Variants in KCNJ6 observed in about 807,000 individuals in gnomAD.
KCNJ6 encodes the protein potassium inwardly rectifying channel subfamily J member 6.
Under a neutral mutation model 34.2 loss-of-function variants are expected in KCNJ6, and 9 were observed. The observed-to-expected ratio is 0.26, with a 90% CI of 0.16 to 0.46. The LOEUF is 0.46. Ranked by LOEUF, KCNJ6 falls within the 20% of genes least tolerant of loss-of-function variation. The pLI is 1.00. For synonymous variants in KCNJ6, 196 were observed against 207.1 expected (o/e 0.95, Z 0.46); for missense variants, 236 against 531.3 (o/e 0.44, Z 5.46).
intron 3 of KCNJ6, among the ~76,000 whole-genome samples, chr21:37,661,980 C>T (rs1055828246): frequency 6.6e-6 from 1 of 151,976 alleles, no homozygotes; most frequent in African/African-American, 2.4e-5. Context: ...AAATTATTTA[C>T]CAAAACTTAA....
Position 37,625,152 on chromosome 21 carries a change from T to C in KCNJ6, c.*7A>G, listed in dbSNP as rs1236001982. On this transcript the variant is annotated 3_prime_UTR_variant, in exon 4 of 4. Transcript: ENST00000609713. Reference sequence around the variant, plus strand: ...GGGAGAAGAGAAGGGTTTGCCCAGCTAGGGCACTAAACTTTGGATTCATTC... The same window carrying C: ...GGGAGAAGAGAAGGGTTTGCCCAGCCAGGGCACTAAACTTTGGATTCATTC... 2.3e-5 allele frequency: 37 copies of C among 1,600,526 alleles called. No individual in the cohort carries two copies. The highest frequency in any genetic ancestry group is 2.8e-5 in the Non-Finnish European group (33 of 1,168,688).
At chr21:37,884,289 G>A (rs190000703) in intron 1 of KCNJ6, among the ~76,000 whole-genome samples, 1 of 152,166 alleles carries the variant, frequency 6.6e-6, no homozygotes, top group African/African-American at 2.4e-5. Context: ...CTGCAGCTTA[G>A]AGGGAGGCAC....
At chr21:37,780,190 G>A (rs1308426312) in intron 2 of KCNJ6, among the ~76,000 whole-genome samples, 1 of 152,222 alleles carries the variant, frequency 6.6e-6, no homozygotes, top group Non-Finnish European at 1.5e-5. Context: ...ACATTGCTAA[G>A]TGAAAGAAGC....
At chr21:37,706,073 G>T (rs1256879934) in intron 3 of KCNJ6, among the ~76,000 whole-genome samples, 2 of 150,340 alleles carry the variant, frequency 1.3e-5, no homozygotes, top group African/African-American at 4.9e-5. Context: ...AGAGCCTTAA[G>T]AAGTGGGAAG....
intron 1 of KCNJ6, among the ~76,000 whole-genome samples, chr21:37,866,047 C>G (rs1392844542): frequency 2.0e-5 from 3 of 152,154 alleles, no homozygotes; most frequent in African/African-American, 7.2e-5. Flanking sequence ...TGGATGTGAT[C>G]ATAATTGGTT....
intron 2 of KCNJ6, among the ~76,000 whole-genome samples, chr21:37,773,278 A>T (rs1325168701): frequency 6.6e-6 from 1 of 152,166 alleles, no homozygotes; most frequent in Non-Finnish European, 1.5e-5. Context: ...TTTCTGTAGC[A>T]TGCTGGGTTC....
intron 1 of KCNJ6, among the ~76,000 whole-genome samples, chr21:37,901,154 T>C (rs1031710384): frequency 6.6e-6 from 1 of 152,226 alleles, no homozygotes; most frequent in African/African-American, 2.4e-5. Flanking sequence ...TTTATTGTCT[T>C]TGGTCAAGCT....
chr21:37,735,112 C>T (rs767852035), intron 2 of KCNJ6, among the ~76,000 whole-genome samples: 10 of 152,076 alleles, frequency 6.6e-5, no homozygotes, highest in Non-Finnish European at 1.3e-4. Flanking sequence ...CACCGACTCC[C>T]GCTCCCTTCC....
chr21:37,685,184 G>A (rs1186323101), intron 3 of KCNJ6, among the ~76,000 whole-genome samples: 2 of 152,058 alleles, frequency 1.3e-5, no homozygotes, highest in Non-Finnish European at 2.9e-5. Context: ...TAGAAAACAC[G>A]AATGACACCC....
In KCNJ6 at chr21:37,816,370, T is replaced by C. The variant is rs796981481; in HGVS notation, c.25+24288A>G. ...CTTGGGGTTGCTTCTATGCTCTAGATATTGCCTGCAGATAAAATAAATCAT... is the reference window on the plus strand; with the variant it reads ...CTTGGGGTTGCTTCTATGCTCTAGACATTGCCTGCAGATAAAATAAATCAT... On this transcript the variant is annotated intron_variant, in intron 2 of 3. Transcript: ENST00000609713. 9.8e-5 allele frequency among the ~76,000 whole-genome samples: 15 copies of C among 152,344 alleles called. 1 individual carries two copies. The highest frequency in any genetic ancestry group is 2.9e-4 in the African/African-American group (12 of 41,586).
intron 1 of KCNJ6, among the ~76,000 whole-genome samples, chr21:37,915,058 T>C (rs1482686932): frequency 1.3e-5 from 2 of 152,194 alleles, no homozygotes; most frequent in African/African-American, 4.8e-5. Flanking sequence ...CTCTCCATAT[T>C]GCACCTAGTA....
intron 2 of KCNJ6, among the ~76,000 whole-genome samples, chr21:37,727,977 G>T (rs2123464424): frequency 1.3e-5 from 2 of 152,294 alleles, no homozygotes; most frequent in East Asian, 3.9e-4. Context: ...GTCAAGAAAG[G>T]CATATATAAA....
intron 1 of KCNJ6, among the ~76,000 whole-genome samples, chr21:37,899,287 T>C (rs1005108889): frequency 3.3e-5 from 5 of 152,204 alleles, no homozygotes; most frequent in Admixed American, 1.3e-4. Flanking sequence ...TTCTTGCACA[T>C]GTGAAACTAA....
intron 3 of KCNJ6, among the ~76,000 whole-genome samples, chr21:37,636,830 C>T (rs2054360100): frequency 6.6e-6 from 1 of 152,104 alleles, no homozygotes; most frequent in Admixed American, 6.5e-5. Flanking sequence ...ATGAGAGAAC[C>T]CCCTGGACAA....
rs146310917 is a variant in KCNJ6, at chr21:37,808,156, G to T, written c.25+32502C>A. On this transcript the variant is annotated intron_variant, in intron 2 of 3. Coordinates refer to ENST00000609713, the MANE Select transcript of KCNJ6 (RefSeq NM_002240.5). The stretch of plus-strand genomic sequence containing the variant: ...TAATAATAAACAGCAACCTGCTAGT[G>T]TGATAACCCCCAAATACATTTTAAC... Among the ~76,000 whole-genome samples, 412 of 152,322 alleles carry T rather than the reference G, an allele frequency of 2.7e-3. 5 individuals carry two copies. The highest frequency in any genetic ancestry group is 9.4e-3 in the African/African-American group (389 of 41,558).
intron 2 of KCNJ6, among the ~76,000 whole-genome samples, chr21:37,829,851 A>G (rs1322125332): frequency 6.6e-6 from 1 of 152,218 alleles, no homozygotes; most frequent in Non-Finnish European, 1.5e-5. Flanking sequence ...GCTGCCCCAG[A>G]GCCGGGCTTT....
At chr21:37,642,317 C>T (rs954139415) in intron 3 of KCNJ6, among the ~76,000 whole-genome samples, 2 of 152,072 alleles carry the variant, frequency 1.3e-5, no homozygotes, top group African/African-American at 4.8e-5. Context: ...GGGGATGAGC[C>T]TGTCCAGGAT....
chr21:37,911,024 G>T (rs889061072), intron 1 of KCNJ6, among the ~76,000 whole-genome samples: 1 of 152,074 alleles, frequency 6.6e-6, no homozygotes, highest in East Asian at 1.9e-4. Flanking sequence ...GTTTAGAGAG[G>T]ATACAGACTC....
At chr21:37,788,939 C>T (rs2055204475) in intron 2 of KCNJ6, among the ~76,000 whole-genome samples, 1 of 152,060 alleles carries the variant, frequency 6.6e-6, no homozygotes, top group Admixed American at 6.5e-5. Context: ...ATCAAGAGCC[C>T]CCTTTAGGAA....
Sources: gnomAD v4.1 joint callset for allele counts (sites outside exome capture counted in the v4.1 genomes callset) on GRCh38, gnomAD v4.1.1 for gene constraint, MANE v1.5 for transcripts, NCBI Gene and HGNC (gene_info 2026-07-23, HGNC 2026-07-21) for gene names.